CNTLN: variants seen among roughly 807,000 people sequenced by gnomAD.
The protein encoded by CNTLN is centlein, centrosomal protein.
In CNTLN, 212 loss-of-function variants were observed where a neutral mutation model predicts 180.0. The observed-to-expected ratio is 1.18, with a 90% CI of 1.05 to 1.32. CNTLN has a LOEUF of 1.32. Ranked by LOEUF, CNTLN falls within the 40% of genes most tolerant of loss-of-function variation. The pLI, the probability that CNTLN is intolerant of heterozygous loss-of-function variation, is 0.00. For missense variants in CNTLN, 2,095 were observed against 1,610.9 expected (o/e 1.30, Z -5.14); for synonymous variants, 722 against 563.1 (o/e 1.28, Z -3.99).
chr9:17,273,558 G>GA (rs1828088378), intron 5 of CNTLN, among the ~76,000 whole-genome samples, 175 bp from the exon 6 acceptor site: 1 of 151,896 alleles, frequency 6.6e-6, no homozygotes, highest in Admixed American at 6.6e-5. Flanking sequence ...GTTTTTGAAA[G>GA]AAAAAATCTG....
rs1450412717 is a variant in CNTLN at position 17,395,105 on chromosome 9, C to G, written c.2615+36C>G. On this transcript the variant is annotated intron_variant, in intron 15 of 25. Coordinates refer to ENST00000380647, the MANE Select transcript of CNTLN (RefSeq NM_017738.4). ...CATTAACTTAGCTCTGTGGTGGGGA[C>G]ACTGCGCATATGTAAAGCACTAGCA... The G allele has an allele frequency of 3.2e-6, 5 of 1,563,264 alleles. No homozygotes were observed. The East Asian group carries it at 1.1e-4, about 35-fold the overall frequency.
At position 17,259,009 on chromosome 9, in the gene CNTLN, T is replaced by A. The variant is rs576997992; in HGVS notation, c.850-14724T>A. On this transcript the variant is annotated intron_variant, in intron 5 of 25. Transcript: ENST00000380647. ...TGCCTGGCCAGAACTTCCAACACTA[T>A]GTTGAATAGGAGTGGTGAGAGAGGG... is the stretch of plus-strand genomic sequence containing the variant. Among the ~76,000 whole-genome samples, 19 of 150,544 alleles carry A rather than the reference T, an allele frequency of 1.3e-4. No individual in the cohort carries two copies. In the South Asian group the frequency reaches 4.0e-3, roughly 32 times the overall value.
intron 10 of CNTLN, among the ~76,000 whole-genome samples, chr9:17,339,732 A>C (rs1176220361): frequency 6.6e-6 from 1 of 152,204 alleles, no homozygotes; most frequent in South Asian, 2.1e-4. Flanking sequence ...GAAGTTACTT[A>C]TTTTACTTTG....
intron 6 of CNTLN, among the ~76,000 whole-genome samples, chr9:17,291,453 G>A (rs554136819): frequency 6.6e-6 from 1 of 151,232 alleles, no homozygotes; most frequent in South Asian, 2.1e-4. Context: ...TGTCTTTGTA[G>A]GTCTCTAAGA....
chr9:17,162,062 C>T (rs1819718247), intron 2 of CNTLN, among the ~76,000 whole-genome samples: 1 of 152,140 alleles, frequency 6.6e-6, no homozygotes, highest in Non-Finnish European at 1.5e-5. Flanking sequence ...GAATGTATAG[C>T]AACCTCGTGC....
chr9:17,292,580 C>G (rs528701338), intron 6 of CNTLN, among the ~76,000 whole-genome samples: 85 of 152,172 alleles, frequency 5.6e-4, no homozygotes, highest in African/African-American at 1.9e-3. Flanking sequence ...CTTTCCTCTG[C>G]TTGGTCAGTT....
chr9:17,518,036 C>CTTTTTTTTTTTTTTTTTTTTTTT, the CNTLN span, among the ~76,000 whole-genome samples: 1 of 69,244 alleles, frequency 1.4e-5, no homozygotes, highest in Non-Finnish European at 2.4e-5. Context: ...TTTTCTTTTC[C>CTTTTTTTTTTTTTTTTTTTTTTT]TTTTTTTTTT....
chr9:17,285,044 T>A (rs1232094984), intron 6 of CNTLN, among the ~76,000 whole-genome samples: 1 of 151,670 alleles, frequency 6.6e-6, no homozygotes, highest in Non-Finnish European at 1.5e-5. Flanking sequence ...AGGGTACATG[T>A]GCACATTGTG....
chr9:17,333,292 T>G (rs542355146), intron 10 of CNTLN, among the ~76,000 whole-genome samples: 2 of 152,172 alleles, frequency 1.3e-5, no homozygotes, highest in African/African-American at 4.8e-5. Flanking sequence ...TATTAATACT[T>G]CCTAATTCAT....
At position 17,236,442 on chromosome 9, in the gene CNTLN, C is replaced by T. The variant is rs748382700; in HGVS notation, c.703C>T (p.Gln235Ter). 3.1e-6 allele frequency: 5 copies of T among 1,613,006 alleles called. No homozygotes were observed. The highest frequency in any genetic ancestry group is 2.2e-5 in the South Asian group (2 of 90,980). Residue 235 changes from glutamine (Q) to a stop codon, truncating the protein, a stop_gained, in exon 5 of 26, where the codon CAA (glutamine) becomes TAA (stop). Coordinates refer to ENST00000380647, the MANE Select transcript of CNTLN (RefSeq NM_017738.4). LOFTEE classifies it high-confidence loss of function. ...GGAGTGTGTACAGAACAAAGAAGAG[C>T]AAAACAGACTAGTTATAAAAAATCT... ...TKECVQNKEE[Q>*]NRLVIKNLEE...
chr9:17,223,692 C>A (rs980687033), intron 2 of CNTLN, among the ~76,000 whole-genome samples: 7 of 151,928 alleles, frequency 4.6e-5, no homozygotes, highest in African/African-American at 1.7e-4. Context: ...TTTTTGCTTT[C>A]TCCCTTGACC....
At chr9:17,492,992 A>G (rs13288634) in intron 25 of CNTLN, among the ~76,000 whole-genome samples, 4 of 152,196 alleles carry the variant, frequency 2.6e-5, no homozygotes, top group Non-Finnish European at 4.4e-5. Flanking sequence ...ACAAAAGGAC[A>G]AATACCCTGA....
intron 16 of CNTLN, among the ~76,000 whole-genome samples, chr9:17,413,911 A>G (rs1828037480): frequency 6.6e-6 from 1 of 152,224 alleles, no homozygotes; most frequent in Admixed American, 6.5e-5. Context: ...TTGTACATGA[A>G]TGATCATAGA....
At chr9:17,509,681 C>A in the CNTLN span, among the ~76,000 whole-genome samples, 2 of 152,226 alleles carry the variant, frequency 1.3e-5, no homozygotes, top group African/African-American at 2.4e-5. Context: ...TATATGGTGC[C>A]ATTTCTCCCA....
chr9:17,172,288 A>T (rs1820469834), intron 2 of CNTLN, among the ~76,000 whole-genome samples: 2 of 152,176 alleles, frequency 1.3e-5, no homozygotes, highest in African/African-American at 4.8e-5. Flanking sequence ...AATGGCTGCA[A>T]GAGTAATCTG....
At chr9:17,214,814 C>A (rs191353174) in intron 2 of CNTLN, among the ~76,000 whole-genome samples, 1 of 152,204 alleles carries the variant, frequency 6.6e-6, no homozygotes, top group Non-Finnish European at 1.5e-5. Context: ...GATCTTCAAT[C>A]ACTGATACCC....
chr9:17,298,233 A>G lies in CNTLN; in HGVS notation c.1027A>G (p.Thr343Ala), dbSNP rs1484628312. ...ELQNLYKQNSTHTAQQAELIQ... is the reference protein window; with the variant it reads ...ELQNLYKQNSAHTAQQAELIQ... The stretch of plus-strand genomic sequence containing the variant: ...GCAGAATCTTTACAAACAGAACAGT[A>G]CACATACAGCCCAGCAAGCAGAGCT... The change falls in exon 7 of 26, where the codon ACA (threonine) becomes GCA (alanine). Residue 343 changes from threonine to alanine, a missense_variant. By Grantham distance (58) the Thr-to-Ala change is moderately conservative. Transcript: ENST00000380647. The G allele has an allele frequency of 6.2e-7, 1 of 1,610,048 alleles. No individual in the cohort carries two copies. The highest frequency in any genetic ancestry group is 2.2e-5 in the East Asian group (1 of 44,678).
chr9:17,226,553 G>C (rs981134900), intron 3 of CNTLN, among the ~76,000 whole-genome samples: 14 of 151,728 alleles, frequency 9.2e-5, no homozygotes, highest in South Asian at 8.3e-4. Flanking sequence ...TCTTTATTTT[G>C]TTGAATTTTG....
intron 13 of CNTLN, among the ~76,000 whole-genome samples, chr9:17,368,933 C>T (rs568659237): frequency 6.6e-6 from 1 of 152,108 alleles, no homozygotes; most frequent in Non-Finnish European, 1.5e-5. Flanking sequence ...ACAAACAATC[C>T]CAGACTGCAA....
Sources: gnomAD v4.1 joint callset for allele counts (sites outside exome capture counted in the v4.1 genomes callset) on GRCh38, gnomAD v4.1.1 for gene constraint, MANE v1.5 for transcripts, NCBI Gene and HGNC (gene_info 2026-07-23, HGNC 2026-07-21) for gene names.